Variants in GATAD2A observed in about 807,000 individuals in gnomAD.
The protein encoded by GATAD2A is transcriptional repressor p66-alpha.
In GATAD2A, 12 loss-of-function variants were observed where a neutral mutation model predicts 68.5. That is an observed-to-expected ratio of 0.18 (90% CI 0.11 to 0.28). The LOEUF (loss-of-function observed/expected upper bound fraction) is 0.28, where lower values mean the gene tolerates loss of function less well. GATAD2A is among the 10% of genes least tolerant of loss of function. The probability of loss-of-function intolerance (pLI) is 1.00; values close to 1 mark genes in which losing one functional copy is unlikely to be tolerated. For synonymous variants in GATAD2A, 410 were observed against 375.3 expected (o/e 1.09, Z -1.07); for missense variants, 755 against 868.5 (o/e 0.87, Z 1.64).
At chr19:19,498,799 C>T in intron 8 of GATAD2A, 77 bp downstream of exon 8, 1 of 1,303,018 alleles carries the variant, frequency 7.7e-7, no homozygotes, top group Non-Finnish European at 1.1e-6. Flanking sequence ...CTTTCCAACA[C>T]ACAGCAGAGG....
chr19:19,448,518 T>G (rs943848727), intron 1 of GATAD2A, among the ~76,000 whole-genome samples: 1 of 152,190 alleles, frequency 6.6e-6, no homozygotes, highest in Non-Finnish European at 1.5e-5. Context: ...AGACGGAGTC[T>G]CTCTCTGTCT....
chr19:19,456,491 T>C (rs933732367), intron 1 of GATAD2A, among the ~76,000 whole-genome samples: 12 of 152,302 alleles, frequency 7.9e-5, no homozygotes, highest in African/African-American at 2.9e-4. Context: ...TATATCCACA[T>C]GTGTCATTGC....
chr19:19,451,344 G>A (rs1166170108), intron 1 of GATAD2A, among the ~76,000 whole-genome samples: 1 of 152,276 alleles, frequency 6.6e-6, no homozygotes, highest in East Asian at 1.9e-4. Context: ...TCACGCCACT[G>A]CACTCCAGCT....
At chr19:19,416,656 G>A (rs184212040) in intron 1 of GATAD2A, among the ~76,000 whole-genome samples, 3 of 152,254 alleles carry the variant, frequency 2.0e-5, no homozygotes, top group Admixed American at 1.3e-4. Context: ...TTGGTTTATT[G>A]CATTAGGGAA....
chr19:19,406,713 C>T (rs1284275719), intron 1 of GATAD2A, among the ~76,000 whole-genome samples: 1 of 152,210 alleles, frequency 6.6e-6, no homozygotes, highest in Non-Finnish European at 1.5e-5. Context: ...ACAGCAGCAG[C>T]TGGCCTTTTA....
chr19:19,478,072 T>A (rs2058795755), intron 2 of GATAD2A, among the ~76,000 whole-genome samples: 1 of 152,138 alleles, frequency 6.6e-6, no homozygotes, highest in Non-Finnish European at 1.5e-5. Flanking sequence ...CCTATTAAAT[T>A]TTTAGTACCT....
intron 1 of GATAD2A, among the ~76,000 whole-genome samples, chr19:19,415,401 C>A (rs1050462974): frequency 6.6e-6 from 1 of 151,422 alleles, no homozygotes; most frequent in Non-Finnish European, 1.5e-5. Flanking sequence ...GTGATCTGCC[C>A]GCTTTGGCCT....
At chr19:19,456,480 A>G (rs146473371) in intron 1 of GATAD2A, among the ~76,000 whole-genome samples, 195 of 152,314 alleles carry the variant, frequency 1.3e-3, no homozygotes, top group African/African-American at 4.5e-3. Context: ...TGTGCTGCCC[A>G]TATATCCACA....
At chr19:19,418,530 C>G (rs901042999) in intron 1 of GATAD2A, among the ~76,000 whole-genome samples, 7 of 152,142 alleles carry the variant, frequency 4.6e-5, no homozygotes, top group African/African-American at 1.4e-4. Flanking sequence ...TTGGAGGTAT[C>G]GGGAAGAGGC....
intron 2 of GATAD2A, among the ~76,000 whole-genome samples, chr19:19,477,044 T>C: frequency 6.6e-6 from 1 of 152,190 alleles, no homozygotes; most frequent in East Asian, 1.9e-4. Flanking sequence ...TGTGAATGCC[T>C]CTTGTCTCCT....
At chr19:19,470,150 T>TA (rs1477914391) in intron 2 of GATAD2A, among the ~76,000 whole-genome samples, 11 of 136,934 alleles carry the variant, frequency 8.0e-5, no homozygotes, top group East Asian at 2.0e-4. Context: ...TTTATTTTTT[T>TA]TTTTGTTTTT....
chr19:19,449,177 A>G (rs1298213723), intron 1 of GATAD2A, among the ~76,000 whole-genome samples: 3 of 152,096 alleles, frequency 2.0e-5, no homozygotes, highest in Non-Finnish European at 2.9e-5. Context: ...CCTGCACAAT[A>G]GCGTGGTGAG....
At chr19:19,501,929 C>T (rs369455192) in intron 9 of GATAD2A, 40 bp from the exon 10 acceptor site, 55 of 1,532,628 alleles carry the variant, frequency 3.6e-5, no homozygotes, top group African/African-American at 1.1e-4. Flanking sequence ...GGCCGGCCAG[C>T]GGACCGCACT....
intron 1 of GATAD2A, among the ~76,000 whole-genome samples, chr19:19,430,973 AG>A (rs139484329): frequency 2.1e-5 from 2 of 96,586 alleles, no homozygotes; most frequent in African/African-American, 8.4e-5. Context: ...GTTGTATGGT[AG>A]GGGTGTGTGT....
intron 1 of GATAD2A, among the ~76,000 whole-genome samples, chr19:19,455,227 C>T (rs2056817889): frequency 6.6e-6 from 1 of 151,644 alleles, no homozygotes. Context: ...CGGTGACTCA[C>T]ACCTGTAATC....
At chr19:19,439,909 G>T (rs886292341) in intron 1 of GATAD2A, among the ~76,000 whole-genome samples, 2 of 152,140 alleles carry the variant, frequency 1.3e-5, no homozygotes, top group Non-Finnish European at 2.9e-5. Flanking sequence ...CTTTGCTCCA[G>T]CAAATCCACT....
chr19:19,428,180 T>G (rs2053318165), intron 1 of GATAD2A, among the ~76,000 whole-genome samples: 1 of 152,258 alleles, frequency 6.6e-6, no homozygotes, highest in Non-Finnish European at 1.5e-5. Context: ...ATCAGGCATC[T>G]GAAATACTAA....
intron 2 of GATAD2A, among the ~76,000 whole-genome samples, chr19:19,490,144 G>A (rs1183624636): frequency 1.3e-5 from 2 of 152,130 alleles, no homozygotes; most frequent in Non-Finnish European, 1.5e-5. Flanking sequence ...CTTCGAAATC[G>A]TACCTTTCTG....
chr19:19,428,217 A>G (rs2053321072), intron 1 of GATAD2A, among the ~76,000 whole-genome samples: 1 of 152,218 alleles, frequency 6.6e-6, no homozygotes, highest in African/African-American at 2.4e-5. Flanking sequence ...GACACTTCCT[A>G]AGGCCTCAGT....
Sources: allele counts gnomAD v4.1 joint callset (sites outside exome capture counted in the v4.1 genomes callset), GRCh38; gene constraint gnomAD v4.1.1; transcripts MANE v1.5; gene names NCBI Gene and HGNC (gene_info 2026-07-23, HGNC 2026-07-21).